The following CARD14 variants were observed in gnomAD, a reference collection of about 807,000 sequenced individuals.
CARD14 encodes caspase recruitment domain-containing protein 14.
CARD14 carries 107 observed loss-of-function variants against 111.5 expected under a neutral mutation model. The ratio of observed to expected loss-of-function variants is 0.96; its 90% CI spans 0.82 to 1.13. The LOEUF is 1.13. CARD14 is among the 50% of genes most tolerant of loss of function. The pLI is 0.00. For synonymous variants in CARD14, 617 were observed against 579.6 expected (o/e 1.06, Z -0.93); for missense variants, 1,322 against 1,362.3 (o/e 0.97, Z 0.47).
Position 80,201,636 on chromosome 17 carries a change from A to T in CARD14, c.1852-108A>T. ...ACCAAGGCGTGCAGGCAGTGGTCCT[A>T]CGGCAGGGCTGGCCCGCGCCTCGCC... is the stretch of plus-strand genomic sequence containing the variant. On this transcript the variant is annotated intron_variant, in intron 16 of 23. Transcript: ENST00000648509. The surrounding 1 kb of genome is among the most constrained non-coding windows in gnomAD (Gnocchi z 5.0). The T allele has an allele frequency of 8.5e-7, 1 of 1,176,840 alleles. No individual in the cohort carries two copies. Among genetic ancestry groups the T allele is most frequent in the Non-Finnish European group, 1.3e-6 (1 of 792,278 alleles). 72.9% of individuals were successfully genotyped at this position (1,176,840 alleles called of 1,614,324 possible). A position where few individuals can be genotyped will look rare whatever the true frequency, so the allele number is the denominator to read the frequency against.
At chr17:80,193,416 A>G (rs1174759436) in intron 12 of CARD14, among the ~76,000 whole-genome samples, 2 of 148,926 alleles carry the variant, frequency 1.3e-5, no homozygotes, top group Admixed American at 1.3e-4. Flanking sequence ...AACCTGGCAC[A>G]CATGGTCCCT....
intron 2 of CARD14, among the ~76,000 whole-genome samples, chr17:80,174,568 C>T (rs2144087363): frequency 6.6e-6 from 1 of 152,182 alleles, no homozygotes; most frequent in East Asian, 1.9e-4. Flanking sequence ...CCTTCCTTCC[C>T]CTACCCCCTA....
In CARD14 at chr17:80,182,933, T is replaced by A; in HGVS notation, c.349+143T>A. On this transcript the variant is annotated intron_variant, in intron 6 of 23. Coordinates refer to ENST00000648509, the MANE Select transcript of CARD14 (RefSeq NM_001366385.1). This position sits in a 1 kb window ranked among gnomAD's most constrained non-coding sequence, Gnocchi z 4.7. ...AGTTCCTGTCCCAGCCCCAGCACTC[T>A]GAGGGTGAGGAACCCCCTCACTGTA... 1 of 980,778 alleles carries A rather than the reference T, an allele frequency of 1.0e-6. No homozygotes were observed. The highest frequency in any genetic ancestry group is 1.5e-6 in the Non-Finnish European group (1 of 659,974). The allele number at this position is 980,778 out of a possible 1,614,324, so 60.8% of individuals were successfully genotyped here.
At position 80,204,774 on chromosome 17, in the gene CARD14, T is replaced by C. The variant is rs575277341; in HGVS notation, c.2399-261T>C. The C allele has an allele frequency of 1.6e-3, 745 of 472,776 alleles. 2 individuals carry two copies. Among genetic ancestry groups the C allele is most frequent in the Middle Eastern group, 2.2e-3 (4 of 1,824 alleles). The allele number at this position is 472,776 out of a possible 1,614,324, so 29.3% of individuals were successfully genotyped here. A position where few individuals can be genotyped will look rare whatever the true frequency, so the allele number is the denominator to read the frequency against. ...GGCTTCCGCCATCCTCCCTTGGGCC[T>C]ATAGGAAACAGGATTAAGTTGCAGG... On this transcript the variant is annotated intron_variant, in intron 20 of 23. Transcript: ENST00000648509.
At chr17:80,194,882 CTA>C (rs1448682757) in intron 12 of CARD14, among the ~76,000 whole-genome samples, 2 of 152,196 alleles carry the variant, frequency 1.3e-5, no homozygotes, top group Non-Finnish European at 2.9e-5. Context: ...CACGGCCAAA[CTA>C]TATCACTTTA....
intron 2 of CARD14, among the ~76,000 whole-genome samples, chr17:80,174,043 G>C (rs772913283): frequency 6.6e-6 from 1 of 152,156 alleles, no homozygotes; most frequent in Non-Finnish European, 1.5e-5. Context: ...GTGACATTAT[G>C]TAAAATCAAC....
At chr17:80,187,942 C>T (rs765933927) in intron 7 of CARD14, 5 of 986,136 alleles carry the variant, frequency 5.1e-6, no homozygotes, top group Non-Finnish European at 6.0e-6. Flanking sequence ...ACCCCTCCGA[C>T]CTGACTTTCC....
At position 80,188,359 on chromosome 17, in the gene CARD14, C is replaced by T. The variant is rs778437466; in HGVS notation, c.676-18C>T. ...AAGCTGTTTCCATCGCCCTTCCTGT[C>T]GCCTCCCCACCGCACAGCTGTATCT... On this transcript the variant is annotated intron_variant, in intron 7 of 23. Transcript: ENST00000648509. The surrounding 1 kb of genome is among the most constrained non-coding windows in gnomAD (Gnocchi z 4.5). The T allele has an allele frequency of 5.6e-6, 9 of 1,603,134 alleles. No homozygotes were observed. The highest frequency in any genetic ancestry group is 2.3e-5 in the East Asian group (1 of 43,726).
chr17:80,188,513 A>G lies in CARD14; in HGVS notation c.812A>G (p.Asn271Ser). The G allele has an allele frequency of 6.5e-7, 1 of 1,547,200 alleles. No homozygotes were observed. The highest frequency in any genetic ancestry group is 8.7e-7 in the Non-Finnish European group (1 of 1,146,744). The change falls in exon 8 of 24, where the codon AAT (asparagine) becomes AGT (serine). Residue 271 changes from asparagine to serine, a missense_variant. Transcript: ENST00000648509. This position sits in a 1 kb window ranked among gnomAD's most constrained non-coding sequence, Gnocchi z 4.5. ...GAGCTGAACCGCCTGAAGGAGGAGA[A>G]TGAGAAACTGCGCTCGCTGACTTTC... ...DEELNRLKEE[N>S]EKLRSLTFSL... is the part of the protein sequence containing the mutation.
chr17:80,184,197 A>G lies in CARD14; in HGVS notation c.634A>G (p.Lys212Glu). 1 of 1,554,164 alleles carries G rather than the reference A, an allele frequency of 6.4e-7. No individual in the cohort carries two copies. Among genetic ancestry groups the G allele is most frequent in the Non-Finnish European group, 8.7e-7 (1 of 1,148,652 alleles). Residue 212 changes from lysine to glutamate, a missense_variant, in exon 7 of 24, where the codon AAG becomes GAG. Physicochemically the swap from Lys to Glu is moderately conservative, Grantham distance 56. Transcript: ENST00000648509. ...SLHYSNALQE[K>E]ELAASRCRSL... Reference sequence around the variant, plus strand: ...GCACTATAGCAATGCGCTGCAGGAGAAGGAGCTGGCCGCCTCACGCTGCCG... The same window carrying G: ...GCACTATAGCAATGCGCTGCAGGAGGAGGAGCTGGCCGCCTCACGCTGCCG...
At chr17:80,196,738 T>C (rs1336862533) in intron 14 of CARD14, 2 of 152,344 alleles carry the variant, frequency 1.3e-5, no homozygotes, top group Non-Finnish European at 2.9e-5. Context: ...GGGGAGCCTC[T>C]AGTCCTAGGA....
chr17:80,203,914 C>T lies in CARD14; in HGVS notation c.2283+29C>T. On this transcript the variant is annotated intron_variant, in intron 19 of 23. Transcript: ENST00000648509. The surrounding 1 kb of genome is among the most constrained non-coding windows in gnomAD (Gnocchi z 4.6). ...AGGCTCCAGGGAGGGGCCTGGACCC[C>T]ACTGGGGTGGGCTGGAAGAGGGGCT... 6.4e-7 allele frequency: 1 copy of T among 1,558,706 alleles called. No homozygotes were observed. Among genetic ancestry groups the T allele is most frequent in the Non-Finnish European group, 8.7e-7 (1 of 1,147,514 alleles).
At chr17:80,177,367 C>T (rs537061621) in intron 2 of CARD14, among the ~76,000 whole-genome samples, 1 of 152,236 alleles carries the variant, frequency 6.6e-6, no homozygotes, top group African/African-American at 2.4e-5. Flanking sequence ...GCTGCGACTA[C>T]AGGTGTGCAC....
intron 18 of CARD14, chr17:80,202,695 T>C: frequency 9.0e-7 from 1 of 1,113,734 alleles, no homozygotes; most frequent in Non-Finnish European, 1.2e-6. Context: ...CGTTTGGGGC[T>C]GGATCCCCGT....
chr17:80,187,742 C>T (rs1014307699), intron 7 of CARD14: 5 of 985,342 alleles, frequency 5.1e-6, no homozygotes, highest in Non-Finnish European at 6.0e-6. Context: ...GGCTGCCACA[C>T]CCAGGACGGG....
chr17:80,188,017 A>G lies in CARD14; in HGVS notation c.676-360A>G. On this transcript the variant is annotated intron_variant, in intron 7 of 23. Transcript: ENST00000648509. This position sits in a 1 kb window ranked among gnomAD's most constrained non-coding sequence, Gnocchi z 4.5. ...CCTTTCTTGATGTATTTAGCAGAAC[A>G]TGGACAAGCAGGGAAGCCAGGGAGC... 1.0e-6 allele frequency: 1 copy of G among 970,094 alleles called. No homozygotes were observed. Among genetic ancestry groups the G allele is most frequent in the Non-Finnish European group, 1.2e-6 (1 of 812,434 alleles). The allele number at this position is 970,094 out of a possible 1,614,324, so 60.1% of individuals were successfully genotyped here.
intron 17 of CARD14, 95 bp from the exon 18 acceptor site, chr17:80,202,084 AG>A: frequency 7.9e-7 from 1 of 1,265,528 alleles, no homozygotes; most frequent in Non-Finnish European, 1.1e-6. Flanking sequence ...TGAGACTGGG[AG>A]GGTCCTTCCT....
intron 2 of CARD14, among the ~76,000 whole-genome samples, chr17:80,174,528 T>A (rs1374110983): frequency 1.3e-5 from 2 of 152,188 alleles, no homozygotes; most frequent in Non-Finnish European, 2.9e-5. Context: ...TTATTTTAGA[T>A]AGCACAGGGT....
chr17:80,187,793 G>GGCT, intron 7 of CARD14: 8 of 985,470 alleles, frequency 8.1e-6, no homozygotes, highest in Non-Finnish European at 9.6e-6. Context: ...GTTTCTCTTG[G>GGCT]GCTGCTGTCC....
Sources: gnomAD v4.1 joint callset for allele counts (sites outside exome capture counted in the v4.1 genomes callset) on GRCh38, gnomAD v4.1.1 for gene constraint, Gnocchi (gnomAD v3.1) non-coding constraint, MANE v1.5 for transcripts, NCBI Gene and HGNC (gene_info 2026-07-23, HGNC 2026-07-21) for gene names.